Variants in CA8 observed in about 807,000 individuals in gnomAD.
CA8 encodes carbonic anhydrase 8 (inactive), also known as carbonic anhydrase-related protein.
Under a neutral mutation model 41.4 loss-of-function variants are expected in CA8, and 22 were observed. The observed-to-expected ratio is 0.53, with a 90% CI of 0.38 to 0.76. The LOEUF is 0.76. Among genes scored for constraint, CA8 ranks in the 30% least tolerant of loss-of-function variants. The pLI is 0.00. For missense variants in CA8, 270 were observed against 352.8 expected (o/e 0.77, Z 1.88); for synonymous variants, 121 against 130.6 (o/e 0.93, Z 0.50).
intron 8 of CA8, chr8:60,208,420 G>A (rs1585852858): frequency 1.3e-5 from 4 of 312,540 alleles, no homozygotes; most frequent in South Asian, 6.1e-5. Flanking sequence ...GCTGCTTCAC[G>A]GGGACAACAT....
intron 7 of CA8, among the ~76,000 whole-genome samples, chr8:60,216,755 A>G (rs1563530611): frequency 6.6e-6 from 1 of 152,232 alleles, no homozygotes; most frequent in Non-Finnish European, 1.5e-5. Context: ...AACATTCTCA[A>G]TATAGTTCAG....
Position 60,280,153 on chromosome 8 carries a change from T to C in CA8, c.101-273A>G, listed in dbSNP as rs1171238500. On this transcript the variant is annotated intron_variant, in intron 1 of 8. Transcript: ENST00000317995. ...ATAATAATTTATGATTCTAGGAAAT[T>C]TGGGTCATTTTTAAGTGATTAGGAA... Among the ~76,000 whole-genome samples the C allele has an allele frequency of 7.2e-5, 11 of 152,300 alleles. No individual in the cohort carries two copies. The East Asian group carries it at 1.9e-3, about 27-fold the overall frequency.
chr8:60,254,116 C>T (rs936184001), intron 3 of CA8, among the ~76,000 whole-genome samples: 2 of 152,242 alleles, frequency 1.3e-5, no homozygotes, highest in African/African-American at 2.4e-5. Flanking sequence ...TTCTGTCTTA[C>T]TTCCACCTCT....
At chr8:60,270,004 G>A (rs981580207) in intron 2 of CA8, among the ~76,000 whole-genome samples, 5 of 152,216 alleles carry the variant, frequency 3.3e-5, no homozygotes, top group African/African-American at 1.2e-4. Flanking sequence ...AAGAGCCTGA[G>A]AAATATTCTG....
At chr8:60,212,076 G>A (rs1806855410) in intron 7 of CA8, among the ~76,000 whole-genome samples, 1 of 152,080 alleles carries the variant, frequency 6.6e-6, no homozygotes, top group Non-Finnish European at 1.5e-5. Flanking sequence ...ACTGAATGCG[G>A]GGCACCAACA....
chr8:60,211,456 G>A (rs1806833387), intron 7 of CA8, among the ~76,000 whole-genome samples: 1 of 152,190 alleles, frequency 6.6e-6, no homozygotes, highest in African/African-American at 2.4e-5. Context: ...GGTCACTGAG[G>A]AGCAATGTGG....
chr8:60,205,307 T>C (rs1806542378), intron 8 of CA8, among the ~76,000 whole-genome samples: 1 of 152,180 alleles, frequency 6.6e-6, no homozygotes, highest in African/African-American at 2.4e-5. Flanking sequence ...CTTAACAATA[T>C]TTAGGTCACA....
At chr8:60,224,389 G>A (rs1807353850) in intron 6 of CA8, 148 bp downstream of exon 6, 1 of 603,882 alleles carries the variant, frequency 1.7e-6, no homozygotes, top group East Asian at 2.9e-5. Context: ...CATATTTAGA[G>A]TAATCTGGAA....
At chr8:60,205,814 T>C (rs1327571042) in intron 8 of CA8, among the ~76,000 whole-genome samples, 1 of 152,190 alleles carries the variant, frequency 6.6e-6, no homozygotes. Flanking sequence ...CAGTAAAACA[T>C]AGCTAAAATA....
intron 3 of CA8, among the ~76,000 whole-genome samples, chr8:60,249,921 A>G (rs1220627087): frequency 1.3e-5 from 2 of 152,220 alleles, no homozygotes; most frequent in African/African-American, 4.8e-5. Context: ...GATGTGGATA[A>G]GGACAACATA....
chr8:60,240,746 A>G (rs1025749665), intron 3 of CA8, among the ~76,000 whole-genome samples: 1 of 152,072 alleles, frequency 6.6e-6, no homozygotes, highest in Non-Finnish European at 1.5e-5. Flanking sequence ...AAATCCAACT[A>G]TAGAAAACTG....
chr8:60,263,416 A>G (rs1585921540), intron 3 of CA8, among the ~76,000 whole-genome samples: 1 of 152,164 alleles, frequency 6.6e-6, no homozygotes, highest in East Asian at 1.9e-4. Context: ...CAAGCCAGCC[A>G]TTTAATTTTC....
intron 2 of CA8, among the ~76,000 whole-genome samples, chr8:60,273,785 T>C (rs1253203321): frequency 6.6e-6 from 1 of 152,226 alleles, no homozygotes; most frequent in Non-Finnish European, 1.5e-5. Context: ...ATTTAGGGGA[T>C]GATGAGTTCA....
At chr8:60,199,544 A>C (rs1251897931) in intron 8 of CA8, among the ~76,000 whole-genome samples, 3 of 152,318 alleles carry the variant, frequency 2.0e-5, no homozygotes, top group South Asian at 2.1e-4. Context: ...GGGTTTTAAG[A>C]AGCACTGAAA....
chr8:60,278,975 T>A (rs1001894346), intron 2 of CA8, among the ~76,000 whole-genome samples: 3 of 152,222 alleles, frequency 2.0e-5, no homozygotes, highest in African/African-American at 4.8e-5. Flanking sequence ...CTACATTTTT[T>A]AAAAATCTGA....
chr8:60,280,877 C>T (rs1368403899), intron 1 of CA8, among the ~76,000 whole-genome samples, 171 bp downstream of exon 1: 31 of 152,202 alleles, frequency 2.0e-4, no homozygotes, highest in Non-Finnish European at 1.5e-5. Context: ...CCCTGGAGCG[C>T]CTCCCGCCCG....
At chr8:60,243,194 C>G (rs1393205184) in intron 3 of CA8, among the ~76,000 whole-genome samples, 1 of 152,182 alleles carries the variant, frequency 6.6e-6, no homozygotes, top group East Asian at 1.9e-4. Flanking sequence ...ATTCTAACAC[C>G]AAGGTCACCT....
chr8:60,262,787 A>T (rs1803775542), intron 3 of CA8, among the ~76,000 whole-genome samples: 1 of 152,236 alleles, frequency 6.6e-6, no homozygotes, highest in Non-Finnish European at 1.5e-5. Flanking sequence ...GATTTACCAG[A>T]TGAGAGCATG....
At chr8:60,252,318 T>G (rs1223008979) in intron 3 of CA8, among the ~76,000 whole-genome samples, 1 of 152,096 alleles carries the variant, frequency 6.6e-6, no homozygotes, top group African/African-American at 2.4e-5. Flanking sequence ...AAAGGGGAGG[T>G]TCTGCTGGTG....
Sources: allele counts gnomAD v4.1 joint callset (sites outside exome capture counted in the v4.1 genomes callset), GRCh38; gene constraint gnomAD v4.1.1; transcripts MANE v1.5; gene names NCBI Gene and HGNC (gene_info 2026-07-23, HGNC 2026-07-21).